The following RAB10 variants were observed in gnomAD, a reference collection of about 807,000 sequenced individuals.
RAB10 encodes the protein ras-related protein Rab-10.
A neutral mutation model predicts 25.7 loss-of-function variants in RAB10; 5 were observed. That is an observed-to-expected ratio of 0.19 (90% CI 0.10 to 0.41). RAB10 has a LOEUF of 0.41. RAB10 is among the 10% of genes least tolerant of loss of function. RAB10 has a pLI of 1.00. For missense variants in RAB10, 103 were observed against 245.8 expected (o/e 0.42, Z 3.89); for synonymous variants, 89 against 86.4 (o/e 1.03, Z -0.16).
chr2:26,102,971 A>G (rs1442292122), intron 2 of RAB10, among the ~76,000 whole-genome samples: 2 of 152,256 alleles, frequency 1.3e-5, no homozygotes, highest in Admixed American at 1.3e-4. Context: ...TTAAAAACAT[A>G]GAATGAAATT....
chr2:26,098,847 G>A (rs1379551693), intron 2 of RAB10, 125 bp downstream of exon 2: 4 of 742,072 alleles, frequency 5.4e-6, no homozygotes, highest in Non-Finnish European at 8.6e-6. Context: ...GCAGTCAGGT[G>A]ACCTTTTTGT....
chr2:26,084,839 T>C (rs1042487908), intron 1 of RAB10, among the ~76,000 whole-genome samples: 4 of 152,222 alleles, frequency 2.6e-5, no homozygotes, highest in African/African-American at 9.6e-5. Context: ...TTTTTAGTTT[T>C]CTGGACAAAG....
At position 26,064,387 on chromosome 2, in the gene RAB10, A is replaced by G. The variant is rs182582300; in HGVS notation, c.127+29652A>G. Among the ~76,000 whole-genome samples the G allele has an allele frequency of 2.5e-3, 382 of 152,082 alleles. 2 individuals are homozygous for G. Among genetic ancestry groups the G allele is most frequent in the African/African-American group, 8.8e-3 (367 of 41,484 alleles). ...CATTCTGCCACCCAGGCTGGGATGCATTTCTGCTCATTGCAACCTCCACTT... is the reference window on the plus strand; with the variant it reads ...CATTCTGCCACCCAGGCTGGGATGCGTTTCTGCTCATTGCAACCTCCACTT... On this transcript the variant is annotated intron_variant, in intron 1 of 5. Coordinates refer to ENST00000264710, the MANE Select transcript of RAB10 (RefSeq NM_016131.5).
intron 1 of RAB10, among the ~76,000 whole-genome samples, chr2:26,064,506 A>AT (rs1256809412): frequency 3.9e-4 from 58 of 150,164 alleles, no homozygotes; most frequent in African/African-American, 1.0e-3. Context: ...GGAAAAAAAA[A>AT]TTTTTTTTTT....
At chr2:26,070,263 C>G (rs1666597235) in intron 1 of RAB10, among the ~76,000 whole-genome samples, 1 of 152,088 alleles carries the variant, frequency 6.6e-6, no homozygotes, top group Non-Finnish European at 1.5e-5. Context: ...TTGCTACAGG[C>G]AGATATGCTT....
intron 5 of RAB10, among the ~76,000 whole-genome samples, chr2:26,133,429 C>G (rs1163180343): frequency 6.6e-6 from 1 of 151,968 alleles, no homozygotes; most frequent in African/African-American, 2.4e-5. Context: ...TGATAGAAAT[C>G]AGAATATTGG....
In RAB10 at chr2:26,127,939, T is replaced by C. The variant is rs1251145291; in HGVS notation, c.507T>C (p.Asp169=). 6.3e-7 allele frequency: 1 copy of C among 1,598,372 alleles called. No individual in the cohort carries two copies. The highest frequency in any genetic ancestry group is 2.2e-5 in the East Asian group (1 of 44,832). ...IEKAFLTLAE[D]ILRKTPVKEP... is the part of the protein sequence containing the mutation. ...AGGCGTTCCTCACGTTAGCTGAAGA[T>C]ATCCTTCGAAAGGTAAGTTCCTGTT... Residue 169 remains aspartate (D), a synonymous_variant, in exon 5 of 6, where the codon GAT becomes GAC. Transcript: ENST00000264710.
intron 1 of RAB10, among the ~76,000 whole-genome samples, chr2:26,074,189 T>TA (rs1666685769): frequency 8.9e-6 from 1 of 112,138 alleles, no homozygotes; most frequent in African/African-American, 2.6e-5. Context: ...GAGATGATGG[T>TA]ATGGTAGTGG....
intron 1 of RAB10, among the ~76,000 whole-genome samples, chr2:26,068,968 C>T (rs192685552): frequency 4.6e-5 from 7 of 152,304 alleles, no homozygotes; most frequent in Admixed American, 4.6e-4. Flanking sequence ...GATGCACTGC[C>T]TTCCATTTTA....
chr2:26,113,070 G>A (rs1195505285), intron 3 of RAB10, among the ~76,000 whole-genome samples: 1 of 152,080 alleles, frequency 6.6e-6, no homozygotes, highest in Non-Finnish European at 1.5e-5. Flanking sequence ...GGGCAGCAGA[G>A]TGCAACTCCG....
chr2:26,070,491 TAAGAAAAATTTTA>T (rs1024095977), intron 1 of RAB10, among the ~76,000 whole-genome samples: 8 of 152,226 alleles, frequency 5.3e-5, no homozygotes, highest in African/African-American at 1.9e-4. Flanking sequence ...TAAAATAGTT[TAAGAAAAATTTTA>T]GAGTACTGTT....
intron 1 of RAB10, among the ~76,000 whole-genome samples, chr2:26,082,005 A>G (rs1164637354): frequency 6.6e-6 from 1 of 152,222 alleles, no homozygotes; most frequent in Non-Finnish European, 1.5e-5. Flanking sequence ...CACAAAAGGA[A>G]TGAAGATGAC....
intron 1 of RAB10, among the ~76,000 whole-genome samples, chr2:26,053,274 G>C (rs973752240): frequency 6.6e-6 from 1 of 151,992 alleles, no homozygotes. Flanking sequence ...TGTTCTTTAG[G>C]ATAGTGGAAT....
chr2:26,114,102 G>A (rs570433602), intron 3 of RAB10, among the ~76,000 whole-genome samples: 20 of 152,208 alleles, frequency 1.3e-4, no homozygotes, highest in African/African-American at 4.8e-4. Flanking sequence ...TAAATAATTA[G>A]ATAGCCATTA....
rs537200919 is a variant in RAB10 at position 26,068,210 on chromosome 2, G to T, written c.128-30452G>T. On this transcript the variant is annotated intron_variant, in intron 1 of 5. Coordinates refer to ENST00000264710, the MANE Select transcript of RAB10 (RefSeq NM_016131.5). ...AGTAAAGGAGCTTTTTGAGTTCAAA[G>T]AACTGAAAGATGATGTGTGTTGCAA... Among the ~76,000 whole-genome samples, 3 of 152,148 alleles carry T rather than the reference G, an allele frequency of 2.0e-5. No homozygotes were observed. In the South Asian group the frequency reaches 6.2e-4, roughly 32 times the overall value.
chr2:26,059,275 G>A (rs1666347172), intron 1 of RAB10, among the ~76,000 whole-genome samples: 1 of 152,166 alleles, frequency 6.6e-6, no homozygotes, highest in Non-Finnish European at 1.5e-5. Context: ...TTTTGCTAAT[G>A]CATTCATTCA....
Position 26,100,524 on chromosome 2 carries a change from T to G in RAB10, c.188+1802T>G, listed in dbSNP as rs532243769. On this transcript the variant is annotated intron_variant, in intron 2 of 5. Transcript: ENST00000264710. The stretch of plus-strand genomic sequence containing the variant: ...CTAGGAATTAAAAAGGTATATTTCC[T>G]TAATTGTTAGTACCACACTTGGGGT... 4.6e-5 allele frequency among the ~76,000 whole-genome samples: 7 copies of G among 152,098 alleles called. No homozygotes were observed. The South Asian group carries it at 6.3e-4, about 14-fold the overall frequency.
At chr2:26,071,573 A>G (rs764456203) in intron 1 of RAB10, among the ~76,000 whole-genome samples, 5 of 152,142 alleles carry the variant, frequency 3.3e-5, no homozygotes, top group African/African-American at 4.8e-5. Context: ...CTGTAATCCC[A>G]GCTACTTGGG....
intron 1 of RAB10, among the ~76,000 whole-genome samples, chr2:26,085,766 G>T (rs1666964053): frequency 6.6e-6 from 1 of 151,998 alleles, no homozygotes; most frequent in African/African-American, 2.4e-5. Context: ...GGAGACTGAG[G>T]CGAGTGGATC....
Sources: allele counts gnomAD v4.1 joint callset (sites outside exome capture counted in the v4.1 genomes callset), GRCh38; gene constraint gnomAD v4.1.1; transcripts MANE v1.5; gene names NCBI Gene and HGNC (gene_info 2026-07-23, HGNC 2026-07-21).